TCL1B: variants seen among roughly 807,000 people sequenced by gnomAD.
TCL1B encodes TCL1 family AKT coactivator B.
TCL1B carries 14 observed loss-of-function variants against 16.9 expected under a neutral mutation model. The ratio of observed to expected loss-of-function variants is 0.83; its 90% CI spans 0.55 to 1.30. The LOEUF is 1.30. TCL1B is among the 50% of genes most tolerant of loss of function. The probability of loss-of-function intolerance (pLI) is 0.00; values close to 1 mark genes in which losing one functional copy is unlikely to be tolerated. For missense variants in TCL1B, 166 were observed against 165.2 expected, an observed-to-expected ratio of 1.00 and a Z score of -0.03; for synonymous variants, 79 against 66.6, an observed-to-expected ratio of 1.19 and a Z score of -0.91.
chr14:95,689,171 C>T (rs1393161674), intron 1 of TCL1B: 6 of 152,090 alleles, frequency 3.9e-5, no homozygotes, highest in Non-Finnish European at 7.3e-5. Flanking sequence ...TCTGTAGTCC[C>T]AGCTACTCGG....
At chr14:95,686,785 C>T (rs1885771700) in intron 1 of TCL1B, among the ~76,000 whole-genome samples, 156 bp downstream of exon 1, 1 of 152,202 alleles carries the variant, frequency 6.6e-6, no homozygotes, top group Non-Finnish European at 1.5e-5. Context: ...CATGCCCAGC[C>T]CTGGCCCCAG....
At chr14:95,687,599 G>A (rs1489668941) in intron 1 of TCL1B, among the ~76,000 whole-genome samples, 1 of 152,156 alleles carries the variant, frequency 6.6e-6, no homozygotes, top group East Asian at 1.9e-4. Context: ...CAGTATCCAT[G>A]GAAATGGGGG....
rs984558971 is a variant in TCL1B, at chr14:95,692,168, G to C, written c.*253G>C. 6.5e-6 allele frequency: 1 copy of C among 153,166 alleles called. No individual in the cohort carries two copies. Among genetic ancestry groups the C allele is most frequent in the Non-Finnish European group, 1.5e-5 (1 of 68,860 alleles). 9.5% of individuals were successfully genotyped at this position (153,166 alleles called of 1,614,324 possible). ...TGGGCTTCACTGGGGCCCTGTCTGTGTGCTGAGCCAGTTTCCCCTGCTGGC... is the reference window on the plus strand; with the variant it reads ...TGGGCTTCACTGGGGCCCTGTCTGTCTGCTGAGCCAGTTTCCCCTGCTGGC... On this transcript the variant is annotated 3_prime_UTR_variant, in exon 4 of 4. Coordinates refer to ENST00000340722, the MANE Select transcript of TCL1B (RefSeq NM_004918.4).
At chr14:95,687,738 A>G (rs1465690274) in intron 1 of TCL1B, among the ~76,000 whole-genome samples, 3 of 151,992 alleles carry the variant, frequency 2.0e-5, no homozygotes, top group South Asian at 2.1e-4. Flanking sequence ...TTATCACGAG[A>G]TCAGGAGATC....
At chr14:95,688,402 CTAAA>C (rs1227342865) in intron 1 of TCL1B, 1 of 152,084 alleles carries the variant, frequency 6.6e-6, no homozygotes, top group Admixed American at 6.5e-5. Context: ...TGTACATACA[CTAAA>C]TAAAGCATGC....
chr14:95,686,431 T>C lies in TCL1B; in HGVS notation c.-37T>C, dbSNP rs1224592526. ...GATTGCGCAGCTGGAAAGCTACACG[T>C]GTGAGCCTAGAGGCGGGTCCCGGTT... On this transcript the variant is annotated 5_prime_UTR_variant, in exon 1 of 4. Coordinates refer to ENST00000340722, the MANE Select transcript of TCL1B (RefSeq NM_004918.4). 6.4e-7 allele frequency: 1 copy of C among 1,568,882 alleles called. No homozygotes were observed. Among genetic ancestry groups the C allele is most frequent in the African/African-American group, 1.4e-5 (1 of 73,562 alleles).
intron 1 of TCL1B, among the ~76,000 whole-genome samples, chr14:95,687,548 C>T (rs1012880265): frequency 1.3e-4 from 20 of 152,056 alleles, no homozygotes; most frequent in Non-Finnish European, 2.6e-4. Flanking sequence ...TCTTTTTTTC[C>T]CAAAATATTT....
At chr14:95,691,203 C>G (rs1046580527) in intron 2 of TCL1B, 65 bp from the exon 3 acceptor site, 39 of 1,560,596 alleles carry the variant, frequency 2.5e-5, no homozygotes, top group Non-Finnish European at 3.2e-5. Context: ...CCTGCATGGG[C>G]GGCCGTTAAG....
chr14:95,687,012 G>A (rs1595339936), intron 1 of TCL1B, among the ~76,000 whole-genome samples: 1 of 152,324 alleles, frequency 6.6e-6, no homozygotes, highest in African/African-American at 2.4e-5. Flanking sequence ...ATAAGCAAAA[G>A]CATTGCAGCC....
At position 95,690,362 on chromosome 14, in the gene TCL1B, G is replaced by A. The variant is rs184571646; in HGVS notation, c.163-374G>A. ...ATGATCAGAACTGCCATATATTTTG[G>A]CGGGAAAATCTATCACCCTCAGATC... On this transcript the variant is annotated intron_variant, in intron 1 of 3. Transcript: ENST00000340722. Among the ~76,000 whole-genome samples, 245 of 138,310 alleles carry A rather than the reference G, an allele frequency of 1.8e-3. 1 individual carries two copies. The highest frequency in any genetic ancestry group is 6.0e-3 in the African/African-American group (217 of 36,042). The allele number at this position is 138,310 out of a possible 152,430, so 90.7% of individuals were successfully genotyped here. A position where few individuals can be genotyped will look rare whatever the true frequency, so the allele number is the denominator to read the frequency against.
At chr14:95,691,175 G>A (rs976930427) in intron 2 of TCL1B, 93 bp from the exon 3 acceptor site, 1 of 1,450,062 alleles carries the variant, frequency 6.9e-7, no homozygotes, top group Non-Finnish European at 9.4e-7. Context: ...CCTCACCCCT[G>A]CCTGCTGCTG....
At chr14:95,690,983 CT>C (rs1394659982) in intron 2 of TCL1B, 77 bp downstream of exon 2, 2 of 1,539,500 alleles carry the variant, frequency 1.3e-6, no homozygotes. Flanking sequence ...TTCTGTGCCC[CT>C]GGCCCCCTTG....
rs1187103236 is a variant in TCL1B, at chr14:95,691,354, G to A, written c.*15+18G>A. The A allele has an allele frequency of 4.3e-6, 7 of 1,611,022 alleles. No individual in the cohort carries two copies. The highest frequency in any genetic ancestry group is 1.3e-5 in the African/African-American group (1 of 74,800). ...AGTGGCTGGTATGTTGGGGCCCTGTGCGTCTCAGTGTAGGGATCAGACGAA... is the reference window on the plus strand; with the variant it reads ...AGTGGCTGGTATGTTGGGGCCCTGTACGTCTCAGTGTAGGGATCAGACGAA... On this transcript the variant is annotated intron_variant, in intron 3 of 3. Transcript: ENST00000340722.
At position 95,690,829 on chromosome 14, in the gene TCL1B, G is replaced by A. The variant is rs575606918; in HGVS notation, c.256G>A (p.Ala86Thr). 2.5e-5 allele frequency: 40 copies of A among 1,613,948 alleles called. No individual in the cohort carries two copies. Among genetic ancestry groups the A allele is most frequent in the Non-Finnish European group, 3.1e-5 (36 of 1,179,932 alleles). ...CCAGATGCCCTTCTCCCAGCTGCCCGCCGTGTGGCAGCTCTACCCCGGGAG... is the reference window on the plus strand; with the variant it reads ...CCAGATGCCCTTCTCCCAGCTGCCCACCGTGTGGCAGCTCTACCCCGGGAG... ...SGQMPFSQLP[A>T]VWQLYPGRKY... Residue 86 changes from alanine to threonine, a missense_variant, in exon 2 of 4, where the codon GCC (alanine) becomes ACC (threonine). Ala to Thr is a moderately conservative substitution (Grantham distance 58). Coordinates refer to ENST00000340722, the MANE Select transcript of TCL1B (RefSeq NM_004918.4).
At chr14:95,689,098 A>C (rs60211159) in intron 1 of TCL1B, among the ~76,000 whole-genome samples, 6 of 151,906 alleles carry the variant, frequency 3.9e-5, no homozygotes, top group Non-Finnish European at 5.9e-5. Context: ...CATCCTGGCT[A>C]ACACGGTGAA....
At chr14:95,689,667 C>T (rs556389799) in intron 1 of TCL1B, among the ~76,000 whole-genome samples, 101 of 152,334 alleles carry the variant, frequency 6.6e-4, no homozygotes, top group African/African-American at 2.4e-3. Flanking sequence ...TTTGCAAAAG[C>T]AGATGCAAGC....
intron 1 of TCL1B, among the ~76,000 whole-genome samples, chr14:95,690,093 C>A (rs1422327905): frequency 1.3e-5 from 2 of 152,228 alleles, no homozygotes; most frequent in Non-Finnish European, 2.9e-5. Flanking sequence ...GCCTCTACCT[C>A]CCAGGTTCAA....
chr14:95,687,649 G>A (rs1350298360), intron 1 of TCL1B, among the ~76,000 whole-genome samples: 1 of 152,088 alleles, frequency 6.6e-6, no homozygotes, highest in East Asian at 1.9e-4. Context: ...AAGCATATCC[G>A]GATATTTAAA....
chr14:95,690,379 C>T (rs1885852551), intron 1 of TCL1B, among the ~76,000 whole-genome samples: 2 of 8,560 alleles, frequency 2.3e-4, no homozygotes, highest in South Asian at 3.7e-3. Flanking sequence ...AATCTATCAC[C>T]CTCAGATCCA....
Sources: gnomAD v4.1 joint callset for allele counts (sites outside exome capture counted in the v4.1 genomes callset) on GRCh38, gnomAD v4.1.1 for gene constraint, MANE v1.5 for transcripts, NCBI Gene and HGNC (gene_info 2026-07-23, HGNC 2026-07-21) for gene names.